Variants in SHISA9 observed in about 807,000 individuals in gnomAD.
SHISA9 encodes shisa family member 9.
Under a neutral mutation model 38.0 loss-of-function variants are expected in SHISA9, and 13 were observed. The ratio of observed to expected loss-of-function variants is 0.34; its 90% CI spans 0.22 to 0.54. The LOEUF (loss-of-function observed/expected upper bound fraction) is 0.54, where lower values mean the gene tolerates loss of function less well. SHISA9 is among the 20% of genes least tolerant of loss of function. The probability of loss-of-function intolerance (pLI) is 0.91; values close to 1 mark genes in which losing one functional copy is unlikely to be tolerated. For missense variants in SHISA9, 538 were observed against 575.8 expected (o/e 0.93, Z 0.67); for synonymous variants, 275 against 242.0 (o/e 1.14, Z -1.27).
intron 2 of SHISA9, among the ~76,000 whole-genome samples, chr16:12,942,220 A>G (rs944987561): frequency 6.6e-6 from 1 of 152,242 alleles, no homozygotes; most frequent in Admixed American, 6.5e-5. Context: ...GGAGGTTTCA[A>G]TTCTCTTGTA....
the SHISA9 span, among the ~76,000 whole-genome samples, chr16:13,545,726 T>C: frequency 6.6e-6 from 1 of 151,982 alleles, no homozygotes; most frequent in Non-Finnish European, 1.5e-5. Flanking sequence ...ACATCTGGAG[T>C]TCTGACCTGC....
chr16:13,377,031 A>T, the SHISA9 span, among the ~76,000 whole-genome samples: 1 of 152,160 alleles, frequency 6.6e-6, no homozygotes, highest in Non-Finnish European at 1.5e-5. Flanking sequence ...AGTTAATGAG[A>T]AAAAAACCTT....
intron 2 of SHISA9, among the ~76,000 whole-genome samples, chr16:13,152,915 C>A (rs1459392520): frequency 6.6e-6 from 1 of 152,140 alleles, no homozygotes; most frequent in Non-Finnish European, 1.5e-5. Context: ...GAAGATTTTC[C>A]TGGATTACCA....
intron 4 of SHISA9, among the ~76,000 whole-genome samples, chr16:13,216,086 C>G (rs755261355): frequency 3.3e-5 from 5 of 150,810 alleles, no homozygotes; most frequent in African/African-American, 7.3e-5. Context: ...ACTCAGGAGG[C>G]TGAGGCAAGA....
chr16:13,326,738 A>G, the SHISA9 span, among the ~76,000 whole-genome samples: 1 of 152,172 alleles, frequency 6.6e-6, no homozygotes, highest in Non-Finnish European at 1.5e-5. Flanking sequence ...GAAAGAAAAA[A>G]AAAGTCAAAG....
chr16:13,153,029 G>A lies in SHISA9; in HGVS notation c.692-50365G>A, dbSNP rs142700841. Among the ~76,000 whole-genome samples, 39 of 152,184 alleles carry A rather than the reference G, an allele frequency of 2.6e-4. No individual in the cohort carries two copies. In the East Asian group the frequency reaches 7.4e-3, roughly 29 times the overall value. On this transcript the variant is annotated intron_variant, in intron 2 of 4. Coordinates refer to ENST00000558583, the MANE Select transcript of SHISA9 (RefSeq NM_001145204.3). ...CACAGCTGAATATCTGAGTATGAGAGGGGGCTCTGAGCCAAAGAATATGCC... is the reference window on the plus strand; with the variant it reads ...CACAGCTGAATATCTGAGTATGAGAAGGGGCTCTGAGCCAAAGAATATGCC...
At chr16:13,087,525 G>A (rs1477324399) in intron 2 of SHISA9, among the ~76,000 whole-genome samples, 1 of 152,146 alleles carries the variant, frequency 6.6e-6, no homozygotes, top group Admixed American at 6.5e-5. Flanking sequence ...ATTCTAAATG[G>A]TGTGAGATGG....
At chr16:13,484,526 A>G in the SHISA9 span, among the ~76,000 whole-genome samples, 3 of 152,206 alleles carry the variant, frequency 2.0e-5, no homozygotes, top group African/African-American at 7.2e-5. Flanking sequence ...GCCAGCCCTC[A>G]GAAATTAGCA....
At chr16:13,386,102 T>G in the SHISA9 span, among the ~76,000 whole-genome samples, 2 of 152,092 alleles carry the variant, frequency 1.3e-5, no homozygotes, top group African/African-American at 2.4e-5. Context: ...ATAATAAAAG[T>G]GCATAGAGCT....
intron 2 of SHISA9, among the ~76,000 whole-genome samples, chr16:13,140,528 A>G (rs560859157): frequency 6.6e-6 from 1 of 152,186 alleles, no homozygotes; most frequent in East Asian, 1.9e-4. Context: ...TGTCCATTTA[A>G]TAAATCCACC....
At chr16:13,465,278 C>T in the SHISA9 span, among the ~76,000 whole-genome samples, 2 of 152,178 alleles carry the variant, frequency 1.3e-5, no homozygotes, top group Non-Finnish European at 2.9e-5. Flanking sequence ...TTTGGGGACA[C>T]AGTCACCCCA....
At chr16:13,504,650 A>G in the SHISA9 span, among the ~76,000 whole-genome samples, 1 of 152,218 alleles carries the variant, frequency 6.6e-6, no homozygotes, top group African/African-American at 2.4e-5. Flanking sequence ...AAACAGAGGA[A>G]TTTGAGTTCT....
chr16:13,091,618 C>T (rs1437351371), intron 2 of SHISA9, among the ~76,000 whole-genome samples: 4 of 152,130 alleles, frequency 2.6e-5, no homozygotes, highest in South Asian at 2.1e-4. Flanking sequence ...GCATGTGTCA[C>T]GAAGTTCTCA....
the SHISA9 span, among the ~76,000 whole-genome samples, chr16:13,269,466 T>A: frequency 2.6e-5 from 4 of 152,194 alleles, no homozygotes; most frequent in Admixed American, 6.5e-5. Context: ...GATGGGGCTT[T>A]CTATGCTCCC....
rs1170051340 is a variant in SHISA9 at position 13,239,068 on chromosome 16, G to A, written c.*3659G>A. 2.1e-5 allele frequency: 3 copies of A among 140,444 alleles called. No homozygotes were observed. The highest frequency in any genetic ancestry group is 4.5e-5 in the Non-Finnish European group (3 of 66,746). The allele number at this position is 140,444 out of a possible 1,614,324, so 8.7% of individuals were successfully genotyped here. A position where few individuals can be genotyped will look rare whatever the true frequency, so the allele number is the denominator to read the frequency against. ...TTCTCATTGTTCAATTCCCATCTAT[G>A]AGTGAGAACATGCAGTGTTTGGTTT... On this transcript the variant is annotated 3_prime_UTR_variant, in exon 5 of 5. Transcript: ENST00000558583.
the SHISA9 span, among the ~76,000 whole-genome samples, chr16:13,508,895 T>G: frequency 6.6e-6 from 1 of 152,188 alleles, no homozygotes; most frequent in Non-Finnish European, 1.5e-5. Context: ...GATTGATAAT[T>G]GTGGCAATTG....
At chr16:13,198,192 A>T (rs9674386) in intron 2 of SHISA9, among the ~76,000 whole-genome samples, 40,655 of 150,796 alleles carry the variant, frequency 0.27, 5,741 homozygotes, top group Middle Eastern at 0.44. Flanking sequence ...CTCAAAAAAA[A>T]AATTAATATA....
chr16:13,206,386 C>G (rs775170661), intron 3 of SHISA9, among the ~76,000 whole-genome samples: 1 of 152,130 alleles, frequency 6.6e-6, no homozygotes, highest in African/African-American at 2.4e-5. Flanking sequence ...ACTTGCTGAT[C>G]GATTTCAGTA....
chr16:13,219,311 T>G (rs2142072014), intron 4 of SHISA9, among the ~76,000 whole-genome samples: 2 of 152,278 alleles, frequency 1.3e-5, no homozygotes, highest in South Asian at 4.1e-4. Flanking sequence ...AACATATATT[T>G]TGTTAATAAA....
Sources: allele counts gnomAD v4.1 joint callset (sites outside exome capture counted in the v4.1 genomes callset), GRCh38; gene constraint gnomAD v4.1.1; transcripts MANE v1.5; gene names NCBI Gene and HGNC (gene_info 2026-07-23, HGNC 2026-07-21).